The following NDE1 variants were observed in gnomAD, a reference collection of about 807,000 sequenced individuals.
NDE1 encodes the protein nudE neurodevelopment protein 1.
A neutral mutation model predicts 43.4 loss-of-function variants in NDE1; 28 were observed. The observed-to-expected ratio is 0.65, with a 90% CI of 0.48 to 0.89. The LOEUF (loss-of-function observed/expected upper bound fraction) is 0.89. NDE1 is among the 40% of genes least tolerant of loss of function. NDE1 has a pLI of 0.00. For missense variants in NDE1, 441 were observed against 434.1 expected, an observed-to-expected ratio of 1.02 and a Z score of -0.14; for synonymous variants, 184 against 172.0, an observed-to-expected ratio of 1.07 and a Z score of -0.55.
chr16:15,644,642 T>G (rs997886691), intron 1 of NDE1, among the ~76,000 whole-genome samples: 57 of 152,196 alleles, frequency 3.7e-4, no homozygotes, highest in Admixed American at 3.2e-3. Flanking sequence ...AAAAAAATCT[T>G]CATTATGTCT....
intron 8 of NDE1, among the ~76,000 whole-genome samples, chr16:15,716,522 T>G (rs991763129): frequency 1.5e-4 from 23 of 152,076 alleles, no homozygotes; most frequent in African/African-American, 2.4e-4. Flanking sequence ...GGGGTTTTTT[T>G]TGTGTGTGTG....
intron 1 of NDE1, among the ~76,000 whole-genome samples, chr16:15,662,658 C>T (rs2037108700): frequency 6.6e-6 from 1 of 151,918 alleles, no homozygotes; most frequent in Non-Finnish European, 1.5e-5. Context: ...CTCACCGCAA[C>T]CTCTGCCTCC....
intron 8 of NDE1, 63 bp from the exon 9 acceptor site, chr16:15,724,128 T>C: frequency 1.2e-6 from 2 of 1,611,716 alleles, no homozygotes; most frequent in Non-Finnish European, 8.5e-7. Flanking sequence ...CCAGCGTCCA[T>C]GGCCAGAGTG....
At chr16:15,716,358 G>A (rs548037290) in intron 8 of NDE1, among the ~76,000 whole-genome samples, 3 of 152,220 alleles carry the variant, frequency 2.0e-5, no homozygotes, top group East Asian at 3.9e-4. Context: ...CAGGGCGTGC[G>A]AATTACTGAA....
At chr16:15,680,267 T>G (rs1408477423) in intron 4 of NDE1, among the ~76,000 whole-genome samples, 1 of 152,092 alleles carries the variant, frequency 6.6e-6, no homozygotes, top group South Asian at 2.1e-4. Context: ...AGGCCAGAGA[T>G]GTGGGAAGAT....
At chr16:15,652,592 CT>C (rs1038500534) in intron 1 of NDE1, among the ~76,000 whole-genome samples, 1 of 152,200 alleles carries the variant, frequency 6.6e-6, no homozygotes, top group African/African-American at 2.4e-5. Context: ...AGGAAAAATT[CT>C]TTCCCTGTCA....
intron 1 of NDE1, among the ~76,000 whole-genome samples, chr16:15,654,890 A>G (rs1404355841): frequency 6.6e-6 from 1 of 151,698 alleles, no homozygotes; most frequent in Non-Finnish European, 1.5e-5. Context: ...TGAAATGTCT[A>G]GCACACAGCA....
At position 15,724,482 on chromosome 16, in the gene NDE1, T is replaced by C. The variant is rs1596731093; in HGVS notation, c.*231T>C. ...CCCCTGTCCCTGGCCCCACAGACTC[T>C]GAGAAGCGAAGACCATGTCTCCTCG... On this transcript the variant is annotated 3_prime_UTR_variant, in exon 9 of 9. Transcript: ENST00000396354. 6.2e-7 allele frequency: 1 copy of C among 1,609,342 alleles called. No homozygotes were observed. The highest frequency in any genetic ancestry group is 2.2e-5 in the East Asian group (1 of 44,834).
At chr16:15,644,059 A>G (rs2036232645) in intron 1 of NDE1, 2 of 152,158 alleles carry the variant, frequency 1.3e-5, no homozygotes, top group South Asian at 2.1e-4. Context: ...CAAAAGGGTG[A>G]TTTCTGAAAC....
At chr16:15,700,032 C>G (rs1440736035) in intron 8 of NDE1, 1 of 1,183,044 alleles carries the variant, frequency 8.5e-7, no homozygotes, top group East Asian at 6.0e-5. Context: ...TTACCTGCCA[C>G]CGTGTGCATT....
At chr16:15,699,890 C>T in intron 8 of NDE1, 1 of 1,286,930 alleles carries the variant, frequency 7.8e-7, no homozygotes, top group Non-Finnish European at 1.0e-6. Context: ...TCTTTTTACA[C>T]TAGGTTTTTG....
intron 1 of NDE1, among the ~76,000 whole-genome samples, chr16:15,652,987 G>A (rs948527884): frequency 6.6e-6 from 1 of 152,130 alleles, no homozygotes; most frequent in Admixed American, 6.5e-5. Context: ...TCTCTAAAGC[G>A]ATCTATGCTT....
intron 8 of NDE1, among the ~76,000 whole-genome samples, chr16:15,707,142 G>A (rs71398888): frequency 6.6e-6 from 1 of 152,088 alleles, no homozygotes; most frequent in Non-Finnish European, 1.5e-5. Flanking sequence ...AGGTTCAAGC[G>A]ATTCTCCTGC....
chr16:15,646,549 C>T (rs1294133265), upstream of NDE1, among the ~76,000 whole-genome samples: 2 of 151,130 alleles, frequency 1.3e-5, no homozygotes, highest in Non-Finnish European at 2.9e-5. Context: ...CCACTGCACT[C>T]CAGCCTGGGC....
At chr16:15,723,845 T>TA (rs772239326) in intron 8 of NDE1, among the ~76,000 whole-genome samples, 2 of 152,194 alleles carry the variant, frequency 1.3e-5, no homozygotes, top group Non-Finnish European at 2.9e-5. Flanking sequence ...ATTCAGTAAA[T>TA]ACATTTAGTG....
At chr16:15,707,638 G>A (rs935997065) in intron 8 of NDE1, among the ~76,000 whole-genome samples, 2 of 152,180 alleles carry the variant, frequency 1.3e-5, no homozygotes, top group Non-Finnish European at 2.9e-5. Context: ...CACAAATGAG[G>A]GTTGGTTTGG....
intron 8 of NDE1, chr16:15,703,959 TC>T (rs1481798046): frequency 6.2e-7 from 1 of 1,613,844 alleles, no homozygotes; most frequent in East Asian, 2.2e-5. Context: ...TTTTTGGTTT[TC>T]TTGCCGTGGT....
rs148743922 is a variant in NDE1 at position 15,715,181 on chromosome 16, C to T, written c.948-9010C>T. The T allele has an allele frequency of 2.1e-5, 34 of 1,613,808 alleles. No individual in the cohort carries two copies. Among genetic ancestry groups the T allele is most frequent in the South Asian group, 1.1e-4 (10 of 91,084 alleles). On this transcript the variant is annotated intron_variant, in intron 8 of 8. Transcript: ENST00000396354. ...GGGGCTACCTGCTCCTTGTACTGCT[C>T]GGCCATCTTGCGCTCGTCCTCCACC... is the stretch of plus-strand genomic sequence containing the variant.
upstream of NDE1, among the ~76,000 whole-genome samples, chr16:15,647,655 CTT>C (rs2036357690): frequency 6.6e-6 from 1 of 152,114 alleles, no homozygotes; most frequent in Non-Finnish European, 1.5e-5. Flanking sequence ...ATGTTTCTCT[CTT>C]AACAATATAA....
Sources: allele counts gnomAD v4.1 joint callset (sites outside exome capture counted in the v4.1 genomes callset), GRCh38; gene constraint gnomAD v4.1.1; transcripts MANE v1.5; gene names NCBI Gene and HGNC (gene_info 2026-07-23, HGNC 2026-07-21).